The following SCAND3 variants were observed in gnomAD, a reference collection of about 807,000 sequenced individuals.
SCAND3 encodes SCAN domain-containing protein 3.
At chr6:28,581,911 G>C in the SCAND3 span, among the ~76,000 whole-genome samples, 3 of 152,216 alleles carry the variant, frequency 2.0e-5, no homozygotes, top group African/African-American at 7.2e-5. Flanking sequence ...GCAGCTAAAA[G>C]TGTCTGCCAG....
At chr6:28,572,902 G>A in the SCAND3 span, 1 of 1,613,856 alleles carries the variant, frequency 6.2e-7, no homozygotes, top group East Asian at 2.2e-5. The surrounding 1 kb of genome is among the most constrained non-coding windows in gnomAD (Gnocchi z 4.1). Flanking sequence ...GCAATGTGTT[G>A]TTTTACATTC....
chr6:28,590,184 G>A, the SCAND3 span: 1 of 152,434 alleles, frequency 6.6e-6, no homozygotes, highest in Non-Finnish European at 1.5e-5. Flanking sequence ...TACAACTTGT[G>A]TGGGAGACAA....
At chr6:28,600,899 CTT>C in the SCAND3 span, among the ~76,000 whole-genome samples, 16 of 119,654 alleles carry the variant, frequency 1.3e-4, no homozygotes, top group African/African-American at 3.2e-4. Flanking sequence ...CAACATGTGC[CTT>C]TTTTTTTTTT....
chr6:28,572,468 C>G, the SCAND3 span: 1 of 1,613,170 alleles, frequency 6.2e-7, no homozygotes. The surrounding 1 kb of genome is among the most constrained non-coding windows in gnomAD (Gnocchi z 4.1). Context: ...TTCCAAGCTT[C>G]TAACTTCTGT....
the SCAND3 span, among the ~76,000 whole-genome samples, chr6:28,596,507 G>A: frequency 2.6e-5 from 4 of 152,010 alleles, no homozygotes; most frequent in African/African-American, 9.7e-5. Context: ...ATGTAATTAG[G>A]TGGTTGGGGA....
the SCAND3 span, among the ~76,000 whole-genome samples, chr6:28,591,968 T>C: frequency 6.6e-6 from 1 of 152,206 alleles, no homozygotes; most frequent in African/African-American, 2.4e-5. Flanking sequence ...TCAAAAAATG[T>C]GTTACACCAC....
the SCAND3 span, among the ~76,000 whole-genome samples, chr6:28,597,082 T>TC: frequency 1.8e-4 from 27 of 152,290 alleles, no homozygotes; most frequent in Middle Eastern, 3.4e-3. Flanking sequence ...AAGGTTACCA[T>TC]CTGGAGGGAA....
At chr6:28,573,272 T>A in the SCAND3 span, 3 of 1,614,096 alleles carry the variant, frequency 1.9e-6, no homozygotes, top group Non-Finnish European at 2.5e-6. Flanking sequence ...CGAGCTATGG[T>A]GTCATTGGAA....
chr6:28,608,488 A>G, the SCAND3 span, among the ~76,000 whole-genome samples: 7,816 of 151,974 alleles, frequency 0.051, 396 homozygotes, highest in African/African-American at 0.14. Context: ...CTAGATGACC[A>G]CCTCCACTGC....
At chr6:28,599,878 G>A in the SCAND3 span, among the ~76,000 whole-genome samples, 28 of 151,992 alleles carry the variant, frequency 1.8e-4, no homozygotes, top group Non-Finnish European at 3.7e-4. Flanking sequence ...GCAGTTCAGT[G>A]GAGAAAAGCA....
At chr6:28,607,152 G>C in the SCAND3 span, among the ~76,000 whole-genome samples, 6 of 152,324 alleles carry the variant, frequency 3.9e-5, no homozygotes, top group South Asian at 2.1e-4. Context: ...ACCTGTCTGT[G>C]GTTGGGGGTG....
At chr6:28,576,915 C>CT in the SCAND3 span, among the ~76,000 whole-genome samples, 143,086 of 149,096 alleles carry the variant, frequency 0.96, 68,809 homozygotes, top group East Asian at 1. Flanking sequence ...CGGTCTCAGA[C>CT]TTTTTTTTTT....
At chr6:28,598,631 G>T in the SCAND3 span, among the ~76,000 whole-genome samples, 27 of 151,664 alleles carry the variant, frequency 1.8e-4, no homozygotes, top group Non-Finnish European at 5.9e-5. Context: ...TATCACTTGA[G>T]GTCAGGAGTT....
At chr6:28,607,929 G>A in the SCAND3 span, among the ~76,000 whole-genome samples, 2 of 152,152 alleles carry the variant, frequency 1.3e-5, no homozygotes, top group Non-Finnish European at 2.9e-5. Context: ...GGCTTGTGGG[G>A]TGCCTGCATA....
At chr6:28,593,591 C>T in the SCAND3 span, 2,911 of 152,414 alleles carry the variant, frequency 0.019, 40 homozygotes, top group African/African-American at 0.038. Context: ...AGGAAAATCG[C>T]TTGAAACCGG....
chr6:28,594,153 T>C, the SCAND3 span: 2 of 152,226 alleles, frequency 1.3e-5, no homozygotes, highest in Non-Finnish European at 2.9e-5. Flanking sequence ...AAATGTAAAG[T>C]AGTACAACCA....
chr6:28,595,248 G>A, the SCAND3 span, among the ~76,000 whole-genome samples: 524 of 128,534 alleles, frequency 4.1e-3, 8 homozygotes, highest in Admixed American at 0.012. Flanking sequence ...TAAGGAGGCT[G>A]AGTTGGGAGG....
chr6:28,591,312 T>TG, the SCAND3 span: 1 of 152,226 alleles, frequency 6.6e-6, no homozygotes, highest in Non-Finnish European at 1.5e-5. Context: ...CATATGTAGA[T>TG]GCTCCCCCTG....
chr6:28,579,324 C>T, the SCAND3 span: 1 of 1,613,898 alleles, frequency 6.2e-7, no homozygotes, highest in Non-Finnish European at 8.5e-7. The surrounding 1 kb of genome is among the most constrained non-coding windows in gnomAD (Gnocchi z 4.5). Flanking sequence ...TTCTATCTTC[C>T]ATAGACTGAA....
Sources: allele counts gnomAD v4.1 joint callset (sites outside exome capture counted in the v4.1 genomes callset), GRCh38; gene constraint gnomAD v4.1.1; non-coding constraint Gnocchi (gnomAD v3.1); transcripts MANE v1.5; gene names NCBI Gene and HGNC (gene_info 2026-07-23, HGNC 2026-07-21).